Variants in PRKAG2 observed in about 807,000 individuals in gnomAD.
PRKAG2 encodes the protein protein kinase AMP-activated non-catalytic subunit gamma 2.
Under a neutral mutation model 69.6 loss-of-function variants are expected in PRKAG2, and 26 were observed. The ratio of observed to expected loss-of-function variants is 0.37; its 90% CI spans 0.27 to 0.52. The LOEUF (loss-of-function observed/expected upper bound fraction) is 0.52, where lower values mean the gene tolerates loss of function less well. PRKAG2 is among the 20% of genes least tolerant of loss of function. The pLI, the probability that PRKAG2 is intolerant of heterozygous loss-of-function variation, is 0.90. For synonymous variants in PRKAG2, 293 were observed against 285.0 expected, an observed-to-expected ratio of 1.03 and a Z score of -0.28; for missense variants, 557 against 740.0, an observed-to-expected ratio of 0.75 and a Z score of 2.87.
chr7:151,627,456 T>C (rs946295005), intron 5 of PRKAG2, among the ~76,000 whole-genome samples: 2 of 151,870 alleles, frequency 1.3e-5, no homozygotes, highest in Non-Finnish European at 2.9e-5. Flanking sequence ...TGAAACCCCA[T>C]CTCTACTAAA....
At chr7:151,637,556 G>A (rs148463957) in intron 4 of PRKAG2, among the ~76,000 whole-genome samples, 3 of 152,230 alleles carry the variant, frequency 2.0e-5, no homozygotes, top group Non-Finnish European at 2.9e-5. Flanking sequence ...ATAATGAATG[G>A]GTGTACAGGA....
At chr7:151,874,087 A>G (rs1160442338) in intron 1 of PRKAG2, among the ~76,000 whole-genome samples, 1 of 141,032 alleles carries the variant, frequency 7.1e-6, no homozygotes, top group East Asian at 2.0e-4. Context: ...ATGTATATGT[A>G]TATGATGTAT....
At chr7:151,578,817 G>A (rs1809645445) in intron 6 of PRKAG2, among the ~76,000 whole-genome samples, 1 of 152,278 alleles carries the variant, frequency 6.6e-6, no homozygotes, top group Non-Finnish European at 1.5e-5. Context: ...CAGGAAAGGT[G>A]TGCCCATTTG....
intron 5 of PRKAG2, among the ~76,000 whole-genome samples, chr7:151,618,627 T>C (rs1302155533): frequency 1.3e-5 from 2 of 151,982 alleles, no homozygotes; most frequent in East Asian, 1.9e-4. Context: ...CAGCCAGGCA[T>C]GGTGGTGGGC....
Position 151,638,782 on chromosome 7 carries a change from C to G in PRKAG2, c.685-6644G>C, listed in dbSNP as rs1232465151. The stretch of plus-strand genomic sequence containing the variant: ...TGCCAAAAAAGCACTCCTTTACGCA[C>G]AGAGGTCGGATATGAGTTTGCTCTG... On this transcript the variant is annotated intron_variant, in intron 4 of 15. Transcript: ENST00000287878. The surrounding 1 kb of genome is among the most constrained non-coding windows in gnomAD (Gnocchi z 4.3). 1.3e-5 allele frequency among the ~76,000 whole-genome samples: 2 copies of G among 152,180 alleles called. No homozygotes were observed. Among genetic ancestry groups the G allele is most frequent in the Non-Finnish European group, 2.9e-5 (2 of 68,034 alleles).
intron 1 of PRKAG2, among the ~76,000 whole-genome samples, chr7:151,789,551 G>A (rs951867614): frequency 6.0e-5 from 9 of 149,118 alleles, no homozygotes; most frequent in African/African-American, 2.1e-4. Flanking sequence ...GCCTCATCAC[G>A]TCAGCCCCCT....
intron 1 of PRKAG2, among the ~76,000 whole-genome samples, chr7:151,862,110 T>C (rs1036952642): frequency 2.0e-5 from 3 of 152,078 alleles, no homozygotes; most frequent in Non-Finnish European, 4.4e-5. Context: ...GGGCTCTGCA[T>C]TGCATGAAGG....
At chr7:151,865,641 G>T (rs144470331) in intron 1 of PRKAG2, among the ~76,000 whole-genome samples, 40 of 152,222 alleles carry the variant, frequency 2.6e-4, no homozygotes, top group African/African-American at 9.2e-4. Flanking sequence ...TCCTGATTCC[G>T]AGTGTAGTGT....
intron 3 of PRKAG2, among the ~76,000 whole-genome samples, chr7:151,745,938 C>A (rs2074250977): frequency 6.6e-6 from 1 of 152,206 alleles, no homozygotes. Flanking sequence ...GCGGCAAGAA[C>A]CTGCCCTGAT....
chr7:151,622,332 TATA>T (rs1422545724), intron 5 of PRKAG2, among the ~76,000 whole-genome samples: 3 of 152,242 alleles, frequency 2.0e-5, no homozygotes, highest in Non-Finnish European at 4.4e-5. Context: ...GGTTTTGCAA[TATA>T]ATGGATCTTT....
intron 3 of PRKAG2, among the ~76,000 whole-genome samples, chr7:151,687,717 T>C (rs1834941916): frequency 6.6e-6 from 1 of 152,126 alleles, no homozygotes; most frequent in Non-Finnish European, 1.5e-5. Context: ...TCCACAGCCA[T>C]GACTCAGGTC....
intron 1 of PRKAG2, among the ~76,000 whole-genome samples, chr7:151,839,766 C>G (rs1004714119): frequency 6.6e-6 from 1 of 152,182 alleles, no homozygotes; most frequent in African/African-American, 2.4e-5. Context: ...GTGGTCACAC[C>G]TGCAATGTCA....
At chr7:151,703,911 A>G (rs10268563) in intron 3 of PRKAG2, among the ~76,000 whole-genome samples, 1 of 103,644 alleles carries the variant, frequency 9.6e-6, no homozygotes, top group Non-Finnish European at 2.0e-5. Context: ...CACACACACA[A>G]ATTAGCTAGG....
At chr7:151,730,665 CA>C (rs1798781242) in intron 3 of PRKAG2, among the ~76,000 whole-genome samples, 1 of 151,328 alleles carries the variant, frequency 6.6e-6, no homozygotes, top group Non-Finnish European at 1.5e-5. Flanking sequence ...TGAGGAGGAG[CA>C]GGGGGGCTGG....
At position 151,638,611 on chromosome 7, in the gene PRKAG2, C is replaced by A. The variant is rs568279281; in HGVS notation, c.685-6473G>T. Among the ~76,000 whole-genome samples, 1 of 151,606 alleles carries A rather than the reference C, an allele frequency of 6.6e-6. No homozygotes were observed. Among genetic ancestry groups the A allele is most frequent in the Non-Finnish European group, 1.5e-5 (1 of 67,946 alleles). On this transcript the variant is annotated intron_variant, in intron 4 of 15. Coordinates refer to ENST00000287878, the MANE Select transcript of PRKAG2 (RefSeq NM_016203.4). This position sits in a 1 kb window ranked among gnomAD's most constrained non-coding sequence, Gnocchi z 4.3. ...ATTGCACCACTGCACTCCAGCTTGG[C>A]GACAGAGTGAGACTCTGTCTCAAAA...
intron 1 of PRKAG2, chr7:151,809,276 T>G (rs1266357607): frequency 4.4e-6 from 2 of 456,492 alleles, no homozygotes; most frequent in Non-Finnish European, 8.8e-6. Context: ...CCCGGCCCCT[T>G]CCCACACACC....
At chr7:151,799,797 G>A (rs974616063) in intron 1 of PRKAG2, among the ~76,000 whole-genome samples, 6 of 152,268 alleles carry the variant, frequency 3.9e-5, no homozygotes, top group Admixed American at 3.3e-4. Context: ...AGGCCACACC[G>A]CCAGGGCCAC....
intron 3 of PRKAG2, among the ~76,000 whole-genome samples, chr7:151,755,018 G>C (rs1361688755): frequency 1.3e-5 from 2 of 152,090 alleles, no homozygotes; most frequent in Non-Finnish European, 2.9e-5. Flanking sequence ...TCTTGGGCCT[G>C]ACAAAGGGGC....
intron 3 of PRKAG2, among the ~76,000 whole-genome samples, chr7:151,704,462 C>T (rs1838265923): frequency 6.6e-6 from 1 of 152,180 alleles, no homozygotes; most frequent in African/African-American, 2.4e-5. Flanking sequence ...TAGACTGTTT[C>T]TCCACATTGC....
Sources: allele counts gnomAD v4.1 joint callset (sites outside exome capture counted in the v4.1 genomes callset), GRCh38; gene constraint gnomAD v4.1.1; non-coding constraint Gnocchi (gnomAD v3.1); transcripts MANE v1.5; gene names NCBI Gene and HGNC (gene_info 2026-07-23, HGNC 2026-07-21).